The following RTTN variants were observed in gnomAD, a reference collection of about 807,000 sequenced individuals.
The protein encoded by RTTN is rotatin.
A neutral mutation model predicts 269.2 loss-of-function variants in RTTN; 182 were observed. The ratio of observed to expected loss-of-function variants is 0.68; its 90% CI spans 0.60 to 0.76. RTTN has a LOEUF of 0.76. RTTN is among the 30% of genes least tolerant of loss of function. The probability of loss-of-function intolerance (pLI) is 0.00; values close to 1 mark genes in which losing one functional copy is unlikely to be tolerated. For missense variants in RTTN, 2,545 were observed against 2,608.6 expected (o/e 0.98, Z 0.53); for synonymous variants, 1,006 against 963.5 (o/e 1.04, Z -0.82).
In RTTN at chr18:70,017,423, G is replaced by A. The variant is rs1405270635; in HGVS notation, c.6405C>T (p.Pro2135=). 6 of 1,613,724 alleles carry A rather than the reference G, an allele frequency of 3.7e-6. No homozygotes were observed. Among genetic ancestry groups the A allele is most frequent in the Admixed American group, 3.3e-5 (2 of 59,990 alleles). The change falls in exon 46 of 49, where the codon CCC becomes CCT. Residue 2135 remains proline, a synonymous_variant. Coordinates refer to ENST00000640769, the MANE Select transcript of RTTN (RefSeq NM_173630.4). ...AAAACTTACCATTAGCCAGGATCTTGGGTTTATTTGCAGGACTGAAGCAAA... is the reference window on the plus strand; with the variant it reads ...AAAACTTACCATTAGCCAGGATCTTAGGTTTATTTGCAGGACTGAAGCAAA... The part of the protein sequence containing the change: ...HNVCFSPANK[P]KILANEKVIT...
At chr18:70,060,329 C>G (rs1394208305) in intron 35 of RTTN, among the ~76,000 whole-genome samples, 4 of 152,052 alleles carry the variant, frequency 2.6e-5, no homozygotes, top group Non-Finnish European at 5.9e-5. Flanking sequence ...ACTTCATGCC[C>G]CACGTATTCA....
At chr18:70,120,049 G>C (rs960413471) in intron 26 of RTTN, among the ~76,000 whole-genome samples, 5 of 152,164 alleles carry the variant, frequency 3.3e-5, no homozygotes, top group African/African-American at 4.8e-5. Flanking sequence ...CTTTGGAGGT[G>C]ACTGGATCAT....
intron 45 of RTTN, among the ~76,000 whole-genome samples, chr18:70,018,852 T>G (rs1278399446): frequency 3.3e-5 from 3 of 89,912 alleles, no homozygotes; most frequent in Admixed American, 1.2e-4. Flanking sequence ...TTTTTTTTTT[T>G]GCTGCTTCTA....
intron 9 of RTTN, among the ~76,000 whole-genome samples, chr18:70,188,610 G>A (rs984417255): frequency 6.6e-6 from 1 of 152,184 alleles, no homozygotes; most frequent in Admixed American, 6.5e-5. Context: ...AGTACTAGAA[G>A]GCGTGAGCCT....
At chr18:70,179,236 G>A (rs531724014) in intron 10 of RTTN, among the ~76,000 whole-genome samples, 2 of 152,254 alleles carry the variant, frequency 1.3e-5, no homozygotes, top group East Asian at 1.9e-4. Context: ...TGGAAATACA[G>A]TGACAGTCTT....
At chr18:70,129,610 C>G (rs1385052200) in intron 23 of RTTN, 1 of 138,916 alleles carries the variant, frequency 7.2e-6, no homozygotes, top group Non-Finnish European at 1.6e-5. Flanking sequence ...TCTCTCGCCA[C>G]ATATGAAAAT....
At chr18:70,191,246 T>A (rs900395246) in intron 8 of RTTN, among the ~76,000 whole-genome samples, 2 of 152,140 alleles carry the variant, frequency 1.3e-5, no homozygotes, top group African/African-American at 4.8e-5. Context: ...GCATCTATAT[T>A]TTGCTTGTCA....
chr18:70,176,911 C>G (rs1435017038), intron 10 of RTTN, 66 bp from the exon 11 acceptor site: 14 of 1,189,094 alleles, frequency 1.2e-5, no homozygotes, highest in African/African-American at 1.5e-5. Flanking sequence ...TATACAAAAG[C>G]CATGGAGAAC....
At chr18:70,023,448 G>A (rs1031095697) in intron 44 of RTTN, among the ~76,000 whole-genome samples, 8 of 152,076 alleles carry the variant, frequency 5.3e-5, no homozygotes, top group Admixed American at 2.0e-4. Flanking sequence ...CAACACCTTA[G>A]ACTTAACAAG....
Position 70,068,544 on chromosome 18 carries a change from G to A in RTTN, c.4654-2622C>T, listed in dbSNP as rs114418921. Among the ~76,000 whole-genome samples, 779 of 152,246 alleles carry A rather than the reference G, an allele frequency of 5.1e-3. 8 individuals carry two copies. The highest frequency in any genetic ancestry group is 0.018 in the African/African-American group (730 of 41,530). ...CTCCCTGATCCCCCTGTGTCCCCGCGGAACTTCAGCTAGACTAACTTCAGC... is the reference window on the plus strand; with the variant it reads ...CTCCCTGATCCCCCTGTGTCCCCGCAGAACTTCAGCTAGACTAACTTCAGC... On this transcript the variant is annotated intron_variant, in intron 34 of 48. Coordinates refer to ENST00000640769, the MANE Select transcript of RTTN (RefSeq NM_173630.4).
In RTTN at chr18:70,114,594, TG is replaced by T; in HGVS notation, c.3533del (p.Ala1178GlufsTer5). 1 of 1,606,366 alleles carries T rather than the reference TG, an allele frequency of 6.2e-7. No individual in the cohort carries two copies. Among genetic ancestry groups the T allele is most frequent in the South Asian group, 1.1e-5 (1 of 89,164 alleles). On this transcript the variant is annotated frameshift_variant, in exon 27 of 49. Coordinates refer to ENST00000640769, the MANE Select transcript of RTTN (RefSeq NM_173630.4). LOFTEE classifies it high-confidence loss of function. ...GAACCAAGAGGTCTAACAGTGGGTT[TG>T]CACTCTAAAAAATGAAATTTGTAAA... ...WILELLLRHS[A>X]NPLLDLLVLT...
chr18:70,093,821 G>A (rs555501831), intron 28 of RTTN, among the ~76,000 whole-genome samples: 3 of 151,988 alleles, frequency 2.0e-5, no homozygotes, highest in African/African-American at 4.8e-5. Context: ...CTCATAAAAT[G>A]AGTTACGGAG....
At chr18:70,033,867 A>T (rs1003358399) in intron 40 of RTTN, among the ~76,000 whole-genome samples, 9 of 152,238 alleles carry the variant, frequency 5.9e-5, no homozygotes, top group Non-Finnish European at 1.3e-4. Context: ...AAACATAATG[A>T]GAAATGACAA....
At chr18:70,205,504 A>G in intron 1 of RTTN, 124 bp downstream of exon 1, 1 of 1,418,896 alleles carries the variant, frequency 7.0e-7, no homozygotes, top group South Asian at 1.2e-5. Flanking sequence ...GGCTATCCTG[A>G]CAAAGCGGGG....
At chr18:70,005,661 A>G (rs1436948064) in intron 47 of RTTN, 3 of 159,386 alleles carry the variant, frequency 1.9e-5, no homozygotes, top group African/African-American at 7.2e-5. Context: ...GAGTGACTAC[A>G]AAGTGCCAAA....
chr18:70,029,222 T>C (rs1276113338), intron 42 of RTTN, among the ~76,000 whole-genome samples: 3 of 151,686 alleles, frequency 2.0e-5, no homozygotes, highest in African/African-American at 7.3e-5. Context: ...TCAATTACAT[T>C]ATTAAATAAG....
chr18:70,200,701 T>C (rs2061924202), intron 4 of RTTN, among the ~76,000 whole-genome samples: 1 of 152,220 alleles, frequency 6.6e-6, no homozygotes, highest in South Asian at 2.1e-4. Context: ...GCAGATATAC[T>C]CTTGAACATA....
chr18:70,024,821 G>A lies in RTTN; in HGVS notation c.5851C>T (p.Pro1951Ser). 6.2e-7 allele frequency: 1 copy of A among 1,613,832 alleles called. No individual in the cohort carries two copies. Among genetic ancestry groups the A allele is most frequent in the Non-Finnish European group, 8.5e-7 (1 of 1,179,856 alleles). The change falls in exon 44 of 49, where the codon CCT (proline) becomes TCT (serine). Residue 1951 changes from proline (P) to serine (S), a missense_variant. By Grantham distance (74) the Pro-to-Ser change is moderately conservative. Coordinates refer to ENST00000640769, the MANE Select transcript of RTTN (RefSeq NM_173630.4). ...CAAGGCCAGAGAGAGTGCAAGACAGGGACAAGGTGAGCTTCAAGAGCTGCT... is the reference window on the plus strand; with the variant it reads ...CAAGGCCAGAGAGAGTGCAAGACAGAGACAAGGTGAGCTTCAAGAGCTGCT... The part of the protein sequence containing the change: ...KEAALEAHLV[P>S]VLHSLWPWIL...
chr18:70,035,109 G>T (rs889861458), intron 40 of RTTN, among the ~76,000 whole-genome samples: 3 of 152,178 alleles, frequency 2.0e-5, no homozygotes, highest in Non-Finnish European at 4.4e-5. Flanking sequence ...TGGCTAGGAA[G>T]AATCAACATT....
Sources: gnomAD v4.1 joint callset for allele counts (sites outside exome capture counted in the v4.1 genomes callset) on GRCh38, gnomAD v4.1.1 for gene constraint, MANE v1.5 for transcripts, NCBI Gene and HGNC (gene_info 2026-07-23, HGNC 2026-07-21) for gene names.